The following COL6A5 variants were observed in gnomAD, a reference collection of about 807,000 sequenced individuals.
The protein encoded by COL6A5 is collagen type VI alpha 5 chain.
In COL6A5, 48 loss-of-function variants were observed where a neutral mutation model predicts 65.6. The observed-to-expected ratio is 0.73, with a 90% CI of 0.58 to 0.93. The LOEUF (loss-of-function observed/expected upper bound fraction) is 0.93, where lower values mean the gene tolerates loss of function less well. COL6A5 is among the 40% of genes least tolerant of loss of function. COL6A5 has a pLI of 0.00. For synonymous variants in COL6A5, 291 were observed against 322.8 expected, an observed-to-expected ratio of 0.90 and a Z score of 1.05; for missense variants, 914 against 928.3, an observed-to-expected ratio of 0.98 and a Z score of 0.20.
intron 24 of COL6A5, among the ~76,000 whole-genome samples, chr3:130,418,260 C>T (rs1378968819): frequency 1.3e-5 from 2 of 152,070 alleles, no homozygotes; most frequent in Non-Finnish European, 2.9e-5. Flanking sequence ...GCTTACCTCC[C>T]TCCTGCGTGC....
At chr3:130,430,644 G>A (rs1386690289), upstream of COL6A5, among the ~76,000 whole-genome samples, 4 of 152,222 alleles carry the variant, frequency 2.6e-5, no homozygotes, top group Admixed American at 2.6e-4. Context: ...AGGAATGGCA[G>A]ATAGTCCCAT....
chr3:130,460,143 G>A (rs1166437363), intron 5 of COL6A5, among the ~76,000 whole-genome samples: 1 of 152,068 alleles, frequency 6.6e-6, no homozygotes, highest in Non-Finnish European at 1.5e-5. Flanking sequence ...GTCATCCAAG[G>A]AACATCAGCT....
intron 10 of COL6A5, among the ~76,000 whole-genome samples, chr3:130,399,969 A>G (rs986506555): frequency 4.0e-5 from 6 of 149,102 alleles, no homozygotes; most frequent in Admixed American, 6.7e-5. Flanking sequence ...GTTGTTGACC[A>G]GTTCGCTGGT....
rs547217196 is a variant in COL6A5, at chr3:130,444,284, G to A, written c.1332+718G>A. Among the ~76,000 whole-genome samples the A allele has an allele frequency of 2.0e-5, 3 of 152,148 alleles. No individual in the cohort carries two copies. The East Asian group carries it at 5.8e-4, about 30-fold the overall frequency. On this transcript the variant is annotated intron_variant, in intron 4 of 7. Transcript: ENST00000512836. ...CACAATCATCACAGGGTCCTGAGGTGACATACATCCTCCTCAGCTTACGAG... is the reference window on the plus strand; with the variant it reads ...CACAATCATCACAGGGTCCTGAGGTAACATACATCCTCCTCAGCTTACGAG...
chr3:130,347,069 C>A (rs944072029), intron 1 of COL6A5, among the ~76,000 whole-genome samples: 11 of 152,126 alleles, frequency 7.2e-5, no homozygotes, highest in Admixed American at 3.9e-4. Context: ...TCTTTGATGA[C>A]GAATGAATGG....
intron 3 of COL6A5, among the ~76,000 whole-genome samples, chr3:130,378,726 G>A (rs1935876417): frequency 6.6e-6 from 1 of 152,032 alleles, no homozygotes; most frequent in African/African-American, 2.4e-5. Context: ...ACTCCGTGTG[G>A]CTGAATTCCT....
chr3:130,473,637 G>C (rs1046790272), intron 7 of COL6A5, among the ~76,000 whole-genome samples: 1 of 152,074 alleles, frequency 6.6e-6, no homozygotes, highest in Non-Finnish European at 1.5e-5. Flanking sequence ...GAAGAATGTT[G>C]ACAAACTGAC....
intron 1 of COL6A5, among the ~76,000 whole-genome samples, chr3:130,368,487 G>A (rs1935423850): frequency 6.6e-6 from 1 of 152,088 alleles, no homozygotes; most frequent in African/African-American, 2.4e-5. Flanking sequence ...GTCCAGTCCT[G>A]CCTTCAAGGA....
chr3:130,433,457 T>G (rs1409465531), intron 1 of COL6A5, among the ~76,000 whole-genome samples: 1 of 152,176 alleles, frequency 6.6e-6, no homozygotes, highest in East Asian at 1.9e-4. Flanking sequence ...AGCTATCTGG[T>G]TCTCATCACT....
At chr3:130,388,847 C>T in exon 6 of COL6A5, 2 of 1,551,354 alleles carry the variant, frequency 1.3e-6, no homozygotes, top group Non-Finnish European at 1.7e-6. Context: ...ACTGGAAAGG[C>T]ACTAAATTTT....
intron 10 of COL6A5, among the ~76,000 whole-genome samples, chr3:130,398,749 C>T (rs1936705053): frequency 6.6e-6 from 1 of 152,168 alleles, no homozygotes; most frequent in African/African-American, 2.4e-5. Context: ...TATAGGGATA[C>T]AAAAGCCTGG....
At chr3:130,395,256 G>T in exon 8 of COL6A5, 1 of 1,551,620 alleles carries the variant, frequency 6.4e-7, no homozygotes, top group South Asian at 1.2e-5. Flanking sequence ...GGAGATCCTC[G>T]CTATGATGTG....
intron 6 of COL6A5, 90 bp downstream of exon 6, chr3:130,389,224 C>CTA: frequency 1.3e-6 from 1 of 778,744 alleles, no homozygotes; most frequent in Non-Finnish European, 1.8e-6. Flanking sequence ...GCCCTGACCT[C>CTA]CACCTGGACT....
intron 6 of COL6A5, among the ~76,000 whole-genome samples, chr3:130,470,164 A>C (rs1018767397): frequency 2.0e-5 from 3 of 152,096 alleles, no homozygotes; most frequent in African/African-American, 7.2e-5. Flanking sequence ...GTCTTTACAC[A>C]GTGGGGCTTT....
rs575150880 is a variant in COL6A5 at position 130,457,858 on chromosome 3, G to A, written c.1544+2192G>A. 1.1e-3 allele frequency among the ~76,000 whole-genome samples: 170 copies of A among 152,214 alleles called. 1 individual carries two copies. Among genetic ancestry groups the A allele is most frequent in the African/African-American group, 3.9e-3 (161 of 41,546 alleles). ...TATTTTATTCAGTCACTCAGAATGA[G>A]CTTTGATAAGTTCCAGATGTATGGC... On this transcript the variant is annotated intron_variant, in intron 5 of 7. Transcript: ENST00000512836.
At chr3:130,379,356 GT>G in intron 3 of COL6A5, 61 bp from the exon 4 acceptor site, 1 of 1,404,802 alleles carries the variant, frequency 7.1e-7, no homozygotes. Flanking sequence ...AATGTAAAAA[GT>G]ACCTTTTTCT....
At chr3:130,455,520 C>A (rs1709551119) in exon 5 of COL6A5, 8 of 1,612,652 alleles carry the variant, frequency 5.0e-6, no homozygotes, top group Non-Finnish European at 5.9e-6. Context: ...GAATTAAATT[C>A]TGGGAGAGAA....
At chr3:130,378,781 C>T (rs139554760) in intron 3 of COL6A5, among the ~76,000 whole-genome samples, 12 of 147,152 alleles carry the variant, frequency 8.2e-5, no homozygotes, top group African/African-American at 2.8e-4. Flanking sequence ...CTCAGAGAGG[C>T]CTTCCCTGAT....
chr3:130,401,976 C>A, intron 12 of COL6A5, 122 bp downstream of exon 12: 1 of 680,970 alleles, frequency 1.5e-6, no homozygotes, highest in Non-Finnish European at 2.5e-6. Context: ...TTGGACATTT[C>A]ATGTGACTTT....
Sources: gnomAD v4.1 joint callset for allele counts (sites outside exome capture counted in the v4.1 genomes callset) on GRCh38, gnomAD v4.1.1 for gene constraint, MANE v1.5 for transcripts, NCBI Gene and HGNC (gene_info 2026-07-23, HGNC 2026-07-21) for gene names.